Variants in STK10 observed in about 807,000 individuals in gnomAD.
The protein encoded by STK10 is serine/threonine-protein kinase 10.
STK10 carries 78 observed loss-of-function variants against 113.8 expected under a neutral mutation model. The ratio of observed to expected loss-of-function variants is 0.69; its 90% CI spans 0.57 to 0.83. STK10 has a LOEUF of 0.83. STK10 is among the 40% of genes least tolerant of loss of function. The pLI, the probability that STK10 is intolerant of heterozygous loss-of-function variation, is 0.00. For synonymous variants in STK10, 465 were observed against 494.7 expected (o/e 0.94, Z 0.80); for missense variants, 1,109 against 1,280.1 (o/e 0.87, Z 2.04).
At chr5:172,147,520 T>C (rs999750550) in intron 2 of STK10, among the ~76,000 whole-genome samples, 1 of 152,240 alleles carries the variant, frequency 6.6e-6, no homozygotes, top group African/African-American at 2.4e-5. Flanking sequence ...GCCTCCCGAA[T>C]AGCTGGGACC....
At chr5:172,173,831 T>C (rs1179373784) in intron 1 of STK10, among the ~76,000 whole-genome samples, 7 of 152,218 alleles carry the variant, frequency 4.6e-5, no homozygotes, top group Non-Finnish European at 1.0e-4. Context: ...ACAGCCACAT[T>C]TACATCTTGT....
chr5:172,112,115 T>C (rs113018329), intron 4 of STK10, among the ~76,000 whole-genome samples: 2,245 of 152,364 alleles, frequency 0.015, 23 homozygotes, highest in South Asian at 0.039. Flanking sequence ...AGAATGAGGC[T>C]GTATTTGTAT....
At chr5:172,177,657 C>T (rs1295347595) in intron 1 of STK10, among the ~76,000 whole-genome samples, 1 of 152,234 alleles carries the variant, frequency 6.6e-6, no homozygotes. Flanking sequence ...TTTAATTCTG[C>T]ATTTATTACA....
At chr5:172,150,466 A>G (rs1463908046) in intron 2 of STK10, among the ~76,000 whole-genome samples, 7 of 150,270 alleles carry the variant, frequency 4.7e-5, no homozygotes, top group Middle Eastern at 3.4e-3. Context: ...GGGCAACAAG[A>G]GCGAAACAAC....
rs139636040 is a variant in STK10 at position 172,122,565 on chromosome 5, T to C, written c.370+4808A>G. Reference sequence around the variant, plus strand: ...GCAAAGTCCCCGTTGACACCACATCTAATTCTAGCCTCTCATCCTTTCCAC... The same window carrying C: ...GCAAAGTCCCCGTTGACACCACATCCAATTCTAGCCTCTCATCCTTTCCAC... On this transcript the variant is annotated intron_variant, in intron 3 of 18. Transcript: ENST00000176763. Among the ~76,000 whole-genome samples, 160 of 152,332 alleles carry C rather than the reference T, an allele frequency of 1.1e-3. 2 individuals are homozygous for C. The East Asian group carries it at 0.027, about 26-fold the overall frequency.
chr5:172,114,474 T>TATATATATATATATATA (rs55784262), intron 4 of STK10: 24 of 25,728 alleles, frequency 9.3e-4, no homozygotes, highest in African/African-American at 1.8e-3. Context: ...TATATATATA[T>TATATATATATATATATA]TTTTTTTTTT....
intron 17 of STK10, 93 bp downstream of exon 17, chr5:172,054,476 C>G (rs1231062978): frequency 1.3e-6 from 2 of 1,533,798 alleles, no homozygotes; most frequent in Non-Finnish European, 1.8e-6. Flanking sequence ...GAAGATCCTT[C>G]CCTGCTGTGG....
intron 2 of STK10, among the ~76,000 whole-genome samples, chr5:172,146,652 C>T (rs564267480): frequency 1.3e-5 from 2 of 152,166 alleles, no homozygotes; most frequent in East Asian, 1.9e-4. Flanking sequence ...ACAGAGCCTG[C>T]GAGGGAATAG....
chr5:172,097,524 G>A (rs961356862), intron 7 of STK10, among the ~76,000 whole-genome samples: 5 of 152,172 alleles, frequency 3.3e-5, no homozygotes, highest in Non-Finnish European at 5.9e-5. Flanking sequence ...AGTCTTTCGC[G>A]TTGGCTTCCT....
intron 2 of STK10, among the ~76,000 whole-genome samples, chr5:172,146,982 G>A (rs1177228886): frequency 6.6e-6 from 1 of 152,198 alleles, no homozygotes; most frequent in Non-Finnish European, 1.5e-5. Flanking sequence ...CCACATACCA[G>A]TTGCACGTCG....
chr5:172,085,861 A>G (rs1426938802), intron 10 of STK10, among the ~76,000 whole-genome samples: 1 of 152,070 alleles, frequency 6.6e-6, no homozygotes, highest in Admixed American at 6.6e-5. Flanking sequence ...GTGCGGCACC[A>G]TGCTGATTCC....
At chr5:172,108,776 T>A (rs539091260) in intron 4 of STK10, among the ~76,000 whole-genome samples, 1 of 151,762 alleles carries the variant, frequency 6.6e-6, no homozygotes, top group Non-Finnish European at 1.5e-5. Flanking sequence ...TATTTATTAC[T>A]ATTTATTAAT....
In STK10 at chr5:172,156,909, G is replaced by A. The variant is rs1031119364; in HGVS notation, c.157-121C>T. Reference sequence around the variant, plus strand: ...AGGCCGGATGTCCAGATGCTGAACCGGAACGTACATTGTTCTTAACAATAG... The same window carrying A: ...AGGCCGGATGTCCAGATGCTGAACCAGAACGTACATTGTTCTTAACAATAG... On this transcript the variant is annotated intron_variant, in intron 1 of 18. Transcript: ENST00000176763. 144 of 1,135,066 alleles carry A rather than the reference G, an allele frequency of 1.3e-4. No individual in the cohort carries two copies. The Admixed American group carries it at 1.3e-3, about 10-fold the overall frequency. 70.3% of individuals were successfully genotyped at this position (1,135,066 alleles called of 1,614,324 possible). A position where few individuals can be genotyped will look rare whatever the true frequency, so the allele number is the denominator to read the frequency against.
chr5:172,146,941 G>A (rs1343717951), intron 2 of STK10, among the ~76,000 whole-genome samples: 2 of 152,168 alleles, frequency 1.3e-5, no homozygotes, highest in East Asian at 3.9e-4. Flanking sequence ...CACAGGCTGA[G>A]GGCTCAGGCC....
At chr5:172,087,153 T>TGTGTGTGTGG (rs1359242730) in intron 10 of STK10, among the ~76,000 whole-genome samples, 2 of 145,384 alleles carry the variant, frequency 1.4e-5, no homozygotes, top group Non-Finnish European at 3.0e-5. Context: ...TGTGTGTGTG[T>TGTGTGTGTGG]GGTGTATGCA....
chr5:172,174,110 G>A (rs1770711135), intron 1 of STK10, among the ~76,000 whole-genome samples: 2 of 152,124 alleles, frequency 1.3e-5, no homozygotes, highest in Non-Finnish European at 1.5e-5. Context: ...GGCAACAAGC[G>A]AGGCCCGGCA....
At position 172,105,668 on chromosome 5, in the gene STK10, C is replaced by G. The variant is rs753285320; in HGVS notation, c.858G>C (p.Ala286=). Residue 286 remains alanine (A), a synonymous_variant, in exon 7 of 19, where the codon GCG becomes GCC. Transcript: ENST00000176763. ...DKNPETRPSA[A]QLLEHPFVSS... is the part of the protein sequence containing the mutation. ...GGAATCCACTCACCTCCAGCAGCTG[C>G]GCGGCACTGGGTCGGGTTTCTGGGT... The G allele has an allele frequency of 6.2e-7, 1 of 1,613,802 alleles. No homozygotes were observed. The highest frequency in any genetic ancestry group is 1.6e-4 in the Middle Eastern group (1 of 6,062).
At chr5:172,100,038 G>A (rs1381720744) in intron 7 of STK10, among the ~76,000 whole-genome samples, 1 of 152,206 alleles carries the variant, frequency 6.6e-6, no homozygotes, top group Non-Finnish European at 1.5e-5. Context: ...AGCAAGCAAG[G>A]CTGGCACACA....
At chr5:172,090,097 T>G in intron 10 of STK10, 135 bp downstream of exon 10, 1 of 1,294,928 alleles carries the variant, frequency 7.7e-7, no homozygotes, top group African/African-American at 1.5e-5. Context: ...GCAGGCAAAA[T>G]GAGTTTCCTT....
Sources: allele counts gnomAD v4.1 joint callset (sites outside exome capture counted in the v4.1 genomes callset), GRCh38; gene constraint gnomAD v4.1.1; transcripts MANE v1.5; gene names NCBI Gene and HGNC (gene_info 2026-07-23, HGNC 2026-07-21).